COPA: variants seen among roughly 807,000 people sequenced by gnomAD.
COPA encodes the protein coatomer subunit alpha.
COPA carries 10 observed loss-of-function variants against 158.7 expected under a neutral mutation model. The ratio of observed to expected loss-of-function variants is 0.06; its 90% CI spans 0.04 to 0.11. COPA has a LOEUF of 0.11. COPA is among the 10% of genes least tolerant of loss of function. The probability of loss-of-function intolerance (pLI) is 1.00; values close to 1 mark genes in which losing one functional copy is unlikely to be tolerated. For synonymous variants in COPA, 462 were observed against 542.8 expected, an observed-to-expected ratio of 0.85 and a Z score of 2.07; for missense variants, 1,065 against 1,536.7, an observed-to-expected ratio of 0.69 and a Z score of 5.13.
At chr1:160,312,277 A>G (rs1658992248) in intron 10 of COPA, among the ~76,000 whole-genome samples, 1 of 152,150 alleles carries the variant, frequency 6.6e-6, no homozygotes, top group Admixed American at 6.5e-5. Context: ...TGCTTTGTAC[A>G]AACCTCCATT....
chr1:160,305,216 A>G (rs1299708086), intron 17 of COPA: 2 of 481,478 alleles, frequency 4.2e-6, no homozygotes, highest in Non-Finnish European at 7.3e-6. Context: ...CTTATTTGTT[A>G]TTCTATTTTT....
At chr1:160,310,532 T>C (rs1007593316) in intron 11 of COPA, 1 of 228,604 alleles carries the variant, frequency 4.4e-6, no homozygotes, top group African/African-American at 2.3e-5. Flanking sequence ...CTCACTGTAG[T>C]GAGTGGGACT....
chr1:160,307,121 C>G (rs1421139564), intron 14 of COPA, 42 bp downstream of exon 14: 2 of 1,594,934 alleles, frequency 1.3e-6, no homozygotes, highest in African/African-American at 2.7e-5. Context: ...GCCACTGCCA[C>G]CACACTCCCC....
At chr1:160,293,722 C>T (rs1658314854) in intron 25 of COPA, among the ~76,000 whole-genome samples, 1 of 152,062 alleles carries the variant, frequency 6.6e-6, no homozygotes, top group Non-Finnish European at 1.5e-5. Context: ...TCTCCAACTC[C>T]TGAGTTCAAG....
chr1:160,306,408 T>C lies in COPA; in HGVS notation c.1388A>G (p.Asn463Ser), dbSNP rs766188508. Residue 463 changes from asparagine (N) to serine (S), a missense_variant, in exon 15 of 33, where the codon AAT (asparagine) becomes AGT (serine). By Grantham distance (46) the Asn-to-Ser change is conservative. Coordinates refer to ENST00000241704, the MANE Select transcript of COPA (RefSeq NM_004371.4). ...AGAGTCCGCATCTCGAAGCAGGAGA[T>C]TGCCTGTGCCAGCATAGAAGATCTC... ...CDEIFYAGTG[N>S]LLLRDADSIT... The C allele has an allele frequency of 4.6e-5, 75 of 1,613,892 alleles. No homozygotes were observed. The highest frequency in any genetic ancestry group is 5.6e-5 in the Non-Finnish European group (66 of 1,179,948).
chr1:160,332,425 T>C, intron 6 of COPA, 23 bp downstream of exon 6: 2 of 1,553,444 alleles, frequency 1.3e-6, no homozygotes, highest in Non-Finnish European at 1.8e-6. Flanking sequence ...GACCAGGTTG[T>C]CCTCTGAACT....
At position 160,339,841 on chromosome 1, in the gene COPA, C is replaced by T. The variant is rs971851165; in HGVS notation, c.228+68G>A. 52 of 1,435,284 alleles carry T rather than the reference C, an allele frequency of 3.6e-5. No homozygotes were observed. In the Admixed American group the frequency reaches 9.0e-4, roughly 25 times the overall value. 88.9% of individuals were successfully genotyped at this position (1,435,284 alleles called of 1,614,324 possible). A position where few individuals can be genotyped will look rare whatever the true frequency, so the allele number is the denominator to read the frequency against. On this transcript the variant is annotated intron_variant, in intron 3 of 32. Coordinates refer to ENST00000241704, the MANE Select transcript of COPA (RefSeq NM_004371.4). Reference sequence around the variant, plus strand: ...AATGAAATTTCCTGTCTTTCAGTTCCTTTCATGATTCCCAAACCTTCCCAC... The same window carrying T: ...AATGAAATTTCCTGTCTTTCAGTTCTTTTCATGATTCCCAAACCTTCCCAC...
At chr1:160,319,914 C>CAA (rs80269064) in intron 8 of COPA, among the ~76,000 whole-genome samples, 4,097 of 75,310 alleles carry the variant, frequency 0.054, 174 homozygotes, top group African/African-American at 0.11. Flanking sequence ...ACACCTATGT[C>CAA]AAAAAAAAAA....
intron 8 of COPA, chr1:160,317,258 A>G: frequency 1.4e-6 from 1 of 733,024 alleles, no homozygotes; most frequent in Non-Finnish European, 2.4e-6. Flanking sequence ...TGAAAGAAAA[A>G]AACACTAATG....
At chr1:160,320,153 GAGA>G (rs1224540316) in intron 8 of COPA, among the ~76,000 whole-genome samples, 2 of 152,016 alleles carry the variant, frequency 1.3e-5, no homozygotes, top group Non-Finnish European at 2.9e-5. Flanking sequence ...GGAAAAAGGA[GAGA>G]AGATCCAAAT....
chr1:160,312,025 G>A lies in COPA; in HGVS notation c.926-7C>T, dbSNP rs1173987417. The stretch of plus-strand genomic sequence containing the variant: ...ATCATACCACCATCATGGCCTGGGG[G>A]ACAGGGAGAGGAGGAGAAAAAATTA... On this transcript the variant is annotated splice_region_variant and splice_polypyrimidine_tract_variant and intron_variant, in intron 10 of 32. Transcript: ENST00000241704. 5.0e-6 allele frequency: 8 copies of A among 1,611,666 alleles called. No individual in the cohort carries two copies. The East Asian group carries it at 1.3e-4, about 27-fold the overall frequency.
intron 6 of COPA, among the ~76,000 whole-genome samples, chr1:160,330,613 A>T (rs564737025): frequency 6.6e-6 from 1 of 152,334 alleles, no homozygotes; most frequent in Non-Finnish European, 1.5e-5. Context: ...CAAATGCTGT[A>T]TCTCAGAATC....
At chr1:160,327,669 C>A (rs1647313946) in intron 6 of COPA, among the ~76,000 whole-genome samples, 1 of 152,076 alleles carries the variant, frequency 6.6e-6, no homozygotes, top group South Asian at 2.1e-4. Context: ...ACCAGCCTGG[C>A]TCAAATGGTG....
intron 1 of COPA, 102 bp downstream of exon 1, chr1:160,343,029 G>A (rs1331384345): frequency 7.1e-7 from 1 of 1,407,482 alleles, no homozygotes; most frequent in Admixed American, 1.7e-5. Context: ...GGTCCGTCTG[G>A]TGGGCCCATT....
intron 8 of COPA, among the ~76,000 whole-genome samples, chr1:160,316,807 TAG>T (rs1659158382): frequency 2.7e-5 from 4 of 149,476 alleles, no homozygotes; most frequent in Admixed American, 2.7e-4. Context: ...AGAGCAAGCG[TAG>T]AAAGCTTATT....
chr1:160,338,799 C>T (rs1036427823), intron 3 of COPA, among the ~76,000 whole-genome samples: 2 of 152,158 alleles, frequency 1.3e-5, no homozygotes, highest in African/African-American at 4.8e-5. Context: ...CACTGTTTCC[C>T]ATACTAACTC....
chr1:160,309,566 GA>G (rs747732539), intron 12 of COPA, among the ~76,000 whole-genome samples: 4 of 151,750 alleles, frequency 2.6e-5, no homozygotes, highest in Non-Finnish European at 4.4e-5. Context: ...GACACTATAG[GA>G]ATGCAAATGT....
chr1:160,294,617 A>C (rs2101824296), intron 24 of COPA, 24 bp from the exon 25 acceptor site: 1 of 1,612,890 alleles, frequency 6.2e-7, no homozygotes, highest in Non-Finnish European at 8.5e-7. Flanking sequence ...TCAAGCTCAA[A>C]ACAGATTTGG....
chr1:160,316,045 T>C (rs1039922216), intron 8 of COPA, among the ~76,000 whole-genome samples: 2 of 152,178 alleles, frequency 1.3e-5, no homozygotes, highest in Non-Finnish European at 2.9e-5. Flanking sequence ...ATCAGTGAGC[T>C]CGAAGACTGG....
Sources: allele counts gnomAD v4.1 joint callset (sites outside exome capture counted in the v4.1 genomes callset), GRCh38; gene constraint gnomAD v4.1.1; transcripts MANE v1.5; gene names NCBI Gene and HGNC (gene_info 2026-07-23, HGNC 2026-07-21).